ARHGEF9: variants seen among roughly 807,000 people sequenced by gnomAD.
The protein encoded by ARHGEF9 is Cdc42 guanine nucleotide exchange factor 9, also known as rho guanine nucleotide exchange factor 9.
A neutral mutation model predicts 41.3 loss-of-function variants in ARHGEF9; 2 were observed. That is an observed-to-expected ratio of 0.05 (90% confidence interval 0.02 to 0.15). The LOEUF is 0.15. ARHGEF9 is among the 10% of genes least tolerant of loss of function. ARHGEF9 has a pLI of 1.00. For missense variants in ARHGEF9, 225 were observed against 424.7 expected, an observed-to-expected ratio of 0.53 and a Z score of 4.13; for synonymous variants, 160 against 154.4, an observed-to-expected ratio of 1.04 and a Z score of -0.27.
At chrX:63,643,772 A>G (rs1486738293) in intron 9 of ARHGEF9, among the ~76,000 whole-genome samples, 2 of 111,025 alleles carry the variant, frequency 1.8e-5, no homozygotes, top group East Asian at 5.6e-4. Context: ...TCAATGAGCT[A>G]TCTTTGGATA....
intron 2 of ARHGEF9, among the ~76,000 whole-genome samples, chrX:63,716,885 T>C (rs782562009): frequency 8.0e-5 from 9 of 112,179 alleles, no homozygotes; most frequent in African/African-American, 2.9e-4. Context: ...TTCAAGTTCA[T>C]CTGGCTGCAC....
intron 2 of ARHGEF9, among the ~76,000 whole-genome samples, chrX:63,718,329 T>C (rs1556411443): frequency 9.0e-6 from 1 of 111,388 alleles, no homozygotes; most frequent in Admixed American, 9.5e-5. Flanking sequence ...AGAAAATATA[T>C]ATATACAAGT....
intron 4 of ARHGEF9, among the ~76,000 whole-genome samples, chrX:63,686,214 A>G (rs1211192394): frequency 9.8e-5 from 11 of 112,067 alleles, no homozygotes; most frequent in African/African-American, 3.6e-4. Flanking sequence ...TGTCATTTGC[A>G]TCAACGTAGA....
intron 1 of ARHGEF9, among the ~76,000 whole-genome samples, chrX:63,777,926 T>C (rs1468771203): frequency 2.7e-5 from 3 of 112,775 alleles, no homozygotes; most frequent in Admixed American, 9.3e-5. Context: ...TGAGTGCCCA[T>C]GGCTTTTCCA....
chrX:63,708,481 C>A (rs1331805302), intron 2 of ARHGEF9, among the ~76,000 whole-genome samples: 2 of 112,115 alleles, frequency 1.8e-5, no homozygotes, highest in Non-Finnish European at 3.8e-5. Context: ...TAGGTTCAAG[C>A]TATACACCAT....
intron 7 of ARHGEF9, among the ~76,000 whole-genome samples, chrX:63,664,841 A>G (rs1556345914): frequency 1.8e-5 from 2 of 111,709 alleles, no homozygotes; most frequent in Non-Finnish European, 1.9e-5. Flanking sequence ...AAGATTCAAT[A>G]CAAGATATGG....
intron 8 of ARHGEF9, among the ~76,000 whole-genome samples, chrX:63,649,766 T>A (rs1217927326): frequency 4.5e-5 from 5 of 111,265 alleles, no homozygotes; most frequent in African/African-American, 1.6e-4. Flanking sequence ...ATATCACCAC[T>A]GATCCCACAG....
chrX:63,653,597 T>C (rs1341851077), intron 8 of ARHGEF9, among the ~76,000 whole-genome samples: 2 of 111,053 alleles, frequency 1.8e-5, no homozygotes, highest in Non-Finnish European at 3.8e-5. Context: ...GTAATATATA[T>C]AATATAATTT....
intron 7 of ARHGEF9, among the ~76,000 whole-genome samples, chrX:63,656,277 G>T (rs1297923347): frequency 1.3e-4 from 15 of 111,610 alleles, no homozygotes; most frequent in African/African-American, 4.2e-4. Context: ...TCTGCCAAGA[G>T]AAATGGAGGT....
chrX:63,776,862 G>A (rs1187272686), intron 1 of ARHGEF9, among the ~76,000 whole-genome samples: 5 of 111,519 alleles, frequency 4.5e-5, no homozygotes, highest in Non-Finnish European at 9.4e-5. Context: ...AACTTCAACT[G>A]TCATCAATAC....
At chrX:63,757,812 G>T (rs1276548909) in intron 1 of ARHGEF9, among the ~76,000 whole-genome samples, 11 of 112,237 alleles carry the variant, frequency 9.8e-5, no homozygotes, top group African/African-American at 3.2e-4. Flanking sequence ...CTCTGGATTG[G>T]TTTTTAAGGA....
At position 63,663,710 on chromosome X, in the gene ARHGEF9, A is replaced by G. The variant is rs143909685; in HGVS notation, c.1077+2176T>C. On this transcript the variant is annotated intron_variant, in intron 7 of 9. Transcript: ENST00000671741. ...AAGAGAGTCTTTTGTAGTAATGGCA[A>G]AAGGTCCCTAAACAACCCAGCAGAC... Among the ~76,000 whole-genome samples, 557 of 111,720 alleles carry G rather than the reference A, an allele frequency of 5.0e-3. 2 individuals carry two copies. The highest frequency in any genetic ancestry group is 0.016 in the African/African-American group (507 of 30,756).
Position 63,647,122 on chromosome X carries a change from G to T in ARHGEF9, c.1322-3074C>A, listed in dbSNP as rs782528498. Among the ~76,000 whole-genome samples, 4 of 111,850 alleles carry T rather than the reference G, an allele frequency of 3.6e-5. No homozygotes were observed. In the East Asian group the frequency reaches 8.4e-4, roughly 23 times the overall value. ...CTGAAGTTGCTTATCAGTTTAAGGA[G>T]ATTTTGGCCTGAGACGATGGGGTTT... On this transcript the variant is annotated intron_variant, in intron 8 of 9. Transcript: ENST00000671741.
chrX:63,744,121 T>C (rs1335508060), intron 1 of ARHGEF9, among the ~76,000 whole-genome samples: 3 of 112,320 alleles, frequency 2.7e-5, no homozygotes, highest in African/African-American at 9.7e-5. Context: ...TTTTTACTCA[T>C]GTGTACATCT....
intron 4 of ARHGEF9, among the ~76,000 whole-genome samples, chrX:63,696,880 C>G (rs2051789319): frequency 9.0e-6 from 1 of 111,499 alleles, no homozygotes; most frequent in Non-Finnish European, 1.9e-5. Context: ...GTGAGTTTCT[C>G]TGGAATATAC....
intron 1 of ARHGEF9, among the ~76,000 whole-genome samples, chrX:63,736,809 C>A (rs1556423275): frequency 1.8e-5 from 2 of 111,191 alleles, no homozygotes; most frequent in Non-Finnish European, 3.8e-5. Context: ...ATGTTGTAAA[C>A]CTCAAATATA....
rs1448979379 is a variant in ARHGEF9 at position 63,784,537 on chromosome X, A to G, written c.30+579T>C. 2.7e-5 allele frequency among the ~76,000 whole-genome samples: 3 copies of G among 112,373 alleles called. No individual in the cohort carries two copies. In the East Asian group the frequency reaches 8.5e-4, roughly 32 times the overall value. On this transcript the variant is annotated intron_variant, in intron 1 of 9. Coordinates refer to ENST00000671741, the MANE Select transcript of ARHGEF9 (RefSeq NM_001353921.2). Reference sequence around the variant, plus strand: ...CCCCAAGTGTGGACAGGGTGACCCCAGCCCGGACAAGGAAGGGCTTTAGGG... The same window carrying G: ...CCCCAAGTGTGGACAGGGTGACCCCGGCCCGGACAAGGAAGGGCTTTAGGG...
chrX:63,756,572 G>A (rs2055935287), intron 1 of ARHGEF9, among the ~76,000 whole-genome samples: 1 of 112,415 alleles, frequency 8.9e-6, no homozygotes, highest in Non-Finnish European at 1.9e-5. Flanking sequence ...TGAGAAAAAG[G>A]CTTTTGTAAG....
chrX:63,673,402 A>T (rs191487963), intron 6 of ARHGEF9, among the ~76,000 whole-genome samples: 73 of 111,477 alleles, frequency 6.5e-4, no homozygotes, highest in African/African-American at 2.1e-3. Flanking sequence ...CATATGTGAA[A>T]TGTCATTACT....
Sources: allele counts gnomAD v4.1 joint callset (sites outside exome capture counted in the v4.1 genomes callset), GRCh38; gene constraint gnomAD v4.1.1; transcripts MANE v1.5; gene names NCBI Gene and HGNC (gene_info 2026-07-23, HGNC 2026-07-21).